NAALADL2: variants seen among roughly 807,000 people sequenced by gnomAD.
NAALADL2 encodes the protein N-acetylated alpha-linked acidic dipeptidase like 2.
NAALADL2 carries 76 observed loss-of-function variants against 87.2 expected under a neutral mutation model. The observed-to-expected ratio is 0.87, with a 90% CI of 0.72 to 1.05. The LOEUF (loss-of-function observed/expected upper bound fraction) is 1.05, where lower values mean the gene tolerates loss of function less well. Ranked by LOEUF, NAALADL2 falls within the 50% of genes least tolerant of loss-of-function variation. The pLI is 0.00. For synonymous variants in NAALADL2, 354 were observed against 331.0 expected (o/e 1.07, Z -0.75); for missense variants, 1,089 against 945.8 (o/e 1.15, Z -1.99).
rs1350347745 is a variant in NAALADL2 at position 175,607,289 on chromosome 3, C to G, written c.1801-20002C>G. 2.6e-5 allele frequency among the ~76,000 whole-genome samples: 4 copies of G among 152,112 alleles called. No homozygotes were observed. The East Asian group carries it at 7.7e-4, about 29-fold the overall frequency. ...ATTTATAATCTCATATTCATTGTTACATTTTATTGTATTTTTCTCAGATGT... is the reference window on the plus strand; with the variant it reads ...ATTTATAATCTCATATTCATTGTTAGATTTTATTGTATTTTTCTCAGATGT... On this transcript the variant is annotated intron_variant, in intron 10 of 13. Transcript: ENST00000454872.
chr3:175,637,445 C>G (rs532693354), intron 11 of NAALADL2, among the ~76,000 whole-genome samples: 1 of 152,160 alleles, frequency 6.6e-6, no homozygotes, highest in Admixed American at 6.5e-5. Context: ...AATTGATGCC[C>G]AGTGTTGGAG....
intron 2 of NAALADL2, among the ~76,000 whole-genome samples, chr3:174,695,301 A>G (rs1728918911): frequency 6.6e-6 from 1 of 152,050 alleles, no homozygotes. Context: ...CAAAATAGGC[A>G]GCATACTTAG....
chr3:175,302,842 GTGTGTA>G (rs1757252103), intron 4 of NAALADL2, among the ~76,000 whole-genome samples: 3 of 143,646 alleles, frequency 2.1e-5, no homozygotes, highest in South Asian at 2.1e-4. Context: ...GTATATATGT[GTGTGTA>G]TGTGTGTGTG....
intron 3 of NAALADL2, among the ~76,000 whole-genome samples, chr3:174,820,693 A>G (rs949249960): frequency 4.6e-5 from 7 of 152,200 alleles, no homozygotes; most frequent in African/African-American, 1.4e-4. Flanking sequence ...AAAATAATTG[A>G]CATAAGATAA....
chr3:175,602,411 CAT>C (rs1723084692), intron 10 of NAALADL2, among the ~76,000 whole-genome samples: 1 of 151,532 alleles, frequency 6.6e-6, no homozygotes, highest in Non-Finnish European at 1.5e-5. Flanking sequence ...ATATATGTAA[CAT>C]GTATGTAAAC....
chr3:175,568,810 T>A (rs1427730792), intron 9 of NAALADL2, among the ~76,000 whole-genome samples: 1 of 152,242 alleles, frequency 6.6e-6, no homozygotes, highest in Non-Finnish European at 1.5e-5. Flanking sequence ...ATAGGCTTTT[T>A]AAAATTAACA....
At chr3:175,351,069 A>G (rs1216524461) in intron 5 of NAALADL2, among the ~76,000 whole-genome samples, 1 of 152,170 alleles carries the variant, frequency 6.6e-6, no homozygotes, top group Non-Finnish European at 1.5e-5. Context: ...TGACTTTAAT[A>G]TGTTCAGTAA....
rs1749973588 is a variant in NAALADL2 at position 175,256,532 on chromosome 3, T to C, written c.939+2T>C. 2 of 1,610,046 alleles carry C rather than the reference T, an allele frequency of 1.2e-6. No individual in the cohort carries two copies. The highest frequency in any genetic ancestry group is 4.5e-5 in the East Asian group (2 of 44,730). On this transcript the variant is annotated splice_donor_variant, in intron 4 of 13. Coordinates refer to ENST00000454872, the MANE Select transcript of NAALADL2 (RefSeq NM_207015.3). LOFTEE classifies it high-confidence loss of function. Reference sequence around the variant, plus strand: ...GGAAAATTGCCACTGCTTTATAAGGTTGGTCCAGTGAATGTTATTCAGTGG... The same window carrying C: ...GGAAAATTGCCACTGCTTTATAAGGCTGGTCCAGTGAATGTTATTCAGTGG...
chr3:175,375,060 C>T (rs1052976514), intron 5 of NAALADL2, among the ~76,000 whole-genome samples: 4 of 151,886 alleles, frequency 2.6e-5, no homozygotes, highest in African/African-American at 9.7e-5. Context: ...ATTGATTTAC[C>T]TTGGCACTAT....
At chr3:174,919,889 A>T (rs1398766097) in intron 1 of NAALADL2, among the ~76,000 whole-genome samples, 2 of 152,132 alleles carry the variant, frequency 1.3e-5, no homozygotes, top group Non-Finnish European at 2.9e-5. Context: ...CAGCCATAGA[A>T]ACAATATTAA....
rs566669027 is a variant in NAALADL2, at chr3:175,372,140, G to C, written c.1090+47815G>C. Among the ~76,000 whole-genome samples, 3 of 152,148 alleles carry C rather than the reference G, an allele frequency of 2.0e-5. No homozygotes were observed. In the South Asian group the frequency reaches 6.2e-4, roughly 31 times the overall value. On this transcript the variant is annotated intron_variant, in intron 5 of 13. Coordinates refer to ENST00000454872, the MANE Select transcript of NAALADL2 (RefSeq NM_207015.3). The stretch of plus-strand genomic sequence containing the variant: ...TCCTAGGCAGACCTCATTTAGTGTA[G>C]CTGGCGTGTTGCCCTGCAGACTTTA...
At chr3:175,765,433 G>C (rs906508551) in intron 13 of NAALADL2, among the ~76,000 whole-genome samples, 45 of 151,776 alleles carry the variant, frequency 3.0e-4, no homozygotes, top group Non-Finnish European at 6.3e-4. Flanking sequence ...GTCAATATTA[G>C]AACAAAGAAC....
intron 11 of NAALADL2, among the ~76,000 whole-genome samples, chr3:175,674,304 G>A (rs1734447312): frequency 1.3e-5 from 2 of 150,434 alleles, no homozygotes; most frequent in African/African-American, 4.9e-5. Flanking sequence ...CTGTCGCCCA[G>A]GCTGGAGTGC....
intron 2 of NAALADL2, among the ~76,000 whole-genome samples, chr3:174,637,203 A>C (rs1327316168): frequency 3.9e-5 from 6 of 152,024 alleles, no homozygotes. Flanking sequence ...ATAAGAAGAG[A>C]TTGATTATGG....
chr3:175,656,147 T>G (rs1560924506), intron 11 of NAALADL2, among the ~76,000 whole-genome samples: 1 of 152,204 alleles, frequency 6.6e-6, no homozygotes, highest in African/African-American at 2.4e-5. Context: ...ATGCTATGCC[T>G]CTCTCAGCCT....
intron 1 of NAALADL2, chr3:174,540,579 A>G (rs1191757584): frequency 6.6e-6 from 1 of 152,222 alleles, no homozygotes; most frequent in African/African-American, 2.4e-5. Context: ...TAGCCGGAAG[A>G]CTTCTTACGA....
At chr3:175,176,955 A>T (rs113164002) in intron 2 of NAALADL2, among the ~76,000 whole-genome samples, 31 of 152,258 alleles carry the variant, frequency 2.0e-4, no homozygotes, top group African/African-American at 7.2e-4. Context: ...ATACAGCAAC[A>T]TTAAGAAACT....
intron 1 of NAALADL2, among the ~76,000 whole-genome samples, chr3:174,950,094 G>T (rs761972889): frequency 1.3e-5 from 2 of 151,948 alleles, no homozygotes; most frequent in Non-Finnish European, 2.9e-5. Flanking sequence ...AACAATCAAT[G>T]ACAACAAAAT....
chr3:174,986,052 T>C (rs1414488100), intron 1 of NAALADL2, among the ~76,000 whole-genome samples: 1 of 152,110 alleles, frequency 6.6e-6, no homozygotes, highest in Non-Finnish European at 1.5e-5. Flanking sequence ...TTTGTCATTG[T>C]CTACATGAGA....
Sources: allele counts gnomAD v4.1 joint callset (sites outside exome capture counted in the v4.1 genomes callset), GRCh38; gene constraint gnomAD v4.1.1; transcripts MANE v1.5; gene names NCBI Gene and HGNC (gene_info 2026-07-23, HGNC 2026-07-21).